FGF12: variants seen among roughly 807,000 people sequenced by gnomAD.
The protein encoded by FGF12 is fibroblast growth factor 12, also known as fibroblast growth factor 12B.
A neutral mutation model predicts 23.6 loss-of-function variants in FGF12; 14 were observed. The ratio of observed to expected loss-of-function variants is 0.59; its 90% CI spans 0.39 to 0.93. The LOEUF (loss-of-function observed/expected upper bound fraction) is 0.93. Among genes scored for constraint, FGF12 ranks in the 40% least tolerant of loss-of-function variants. The probability of loss-of-function intolerance (pLI) is 0.00; values close to 1 mark genes in which losing one functional copy is unlikely to be tolerated. For synonymous variants in FGF12, 62 were observed against 77.3 expected (o/e 0.80, Z 1.04); for missense variants, 175 against 217.8 (o/e 0.80, Z 1.24).
chr3:192,558,470 T>C (rs146196826), intron 2 of FGF12, among the ~76,000 whole-genome samples: 31 of 151,794 alleles, frequency 2.0e-4, no homozygotes, highest in African/African-American at 7.0e-4. Flanking sequence ...TGTTCACAGA[T>C]TGGAAAAATT....
At position 192,706,836 on chromosome 3, in the gene FGF12, A is replaced by G. The variant is rs758808567; in HGVS notation, c.13+20345T>C. 6.2e-4 allele frequency among the ~76,000 whole-genome samples: 95 copies of G among 152,244 alleles called. 2 individuals carry two copies. Among genetic ancestry groups the G allele is most frequent in the Non-Finnish European group, 2.9e-4 (20 of 68,040 alleles). ...ACAGAGATAGAATCAAAGAAAAAGA[A>G]TTATTCACTATAATCCCATTAAGCC... On this transcript the variant is annotated intron_variant, in intron 2 of 5. Transcript: ENST00000445105.
intron 4 of FGF12, among the ~76,000 whole-genome samples, chr3:192,303,224 T>C (rs575639995): frequency 2.6e-5 from 4 of 152,088 alleles, no homozygotes; most frequent in Non-Finnish European, 5.9e-5. Context: ...AATTTAAGTA[T>C]GGAAAAAAAA....
At chr3:192,511,248 C>T (rs1560134777) in intron 2 of FGF12, among the ~76,000 whole-genome samples, 1 of 151,922 alleles carries the variant, frequency 6.6e-6, no homozygotes, top group Admixed American at 6.6e-5. Context: ...CACACACACA[C>T]ACACACCTGC....
At chr3:192,500,495 A>T (rs759248847) in intron 2 of FGF12, among the ~76,000 whole-genome samples, 8 of 152,144 alleles carry the variant, frequency 5.3e-5, no homozygotes, top group Non-Finnish European at 1.2e-4. Context: ...AGATGCTACA[A>T]ATTTCGCTCT....
chr3:192,450,267 C>T (rs1245828664), intron 2 of FGF12, among the ~76,000 whole-genome samples: 19 of 152,156 alleles, frequency 1.2e-4, no homozygotes, highest in Non-Finnish European at 5.9e-5. Context: ...CTCCTTCCAA[C>T]TCATTTTCTT....
chr3:192,198,498 A>AAATGCTG (rs1195341632), intron 4 of FGF12, among the ~76,000 whole-genome samples: 1 of 152,150 alleles, frequency 6.6e-6, no homozygotes, highest in Non-Finnish European at 1.5e-5. Flanking sequence ...ACCTTTCATG[A>AAATGCTG]CCTCACTTAT....
intron 2 of FGF12, among the ~76,000 whole-genome samples, chr3:192,486,763 T>A (rs1723647429): frequency 6.6e-6 from 1 of 151,942 alleles, no homozygotes; most frequent in African/African-American, 2.4e-5. Context: ...TTTGAGAACA[T>A]CAGGCTACAG....
At chr3:192,308,611 C>T (rs1279658808) in intron 4 of FGF12, among the ~76,000 whole-genome samples, 1 of 151,066 alleles carries the variant, frequency 6.6e-6, no homozygotes, top group Admixed American at 6.6e-5. Flanking sequence ...ACCTGGGAGG[C>T]AGAGGTTGCA....
chr3:192,157,848 G>A (rs568286245), intron 5 of FGF12, among the ~76,000 whole-genome samples: 20 of 152,198 alleles, frequency 1.3e-4, no homozygotes, highest in Admixed American at 6.5e-4. Context: ...AATATCTAAC[G>A]TTAACTGAGC....
At chr3:192,641,497 C>T (rs1192047596) in intron 2 of FGF12, among the ~76,000 whole-genome samples, 14 of 151,028 alleles carry the variant, frequency 9.3e-5, no homozygotes, top group African/African-American at 2.2e-4. Flanking sequence ...CTCTGTCTCC[C>T]GGGTTCCAGC....
rs150623453 is a variant in FGF12, at chr3:192,597,826, G to A, written c.13+129355C>T. On this transcript the variant is annotated intron_variant, in intron 2 of 5. Coordinates refer to ENST00000445105, the MANE Select transcript of FGF12 (RefSeq NM_004113.6). ...TCCTCAGACTGAAATACAACTTACA[G>A]CAGAAAAAGAGGGGGCCTAAACTGG... Among the ~76,000 whole-genome samples, 10 of 152,318 alleles carry A rather than the reference G, an allele frequency of 6.6e-5. No individual in the cohort carries two copies. In the East Asian group the frequency reaches 1.3e-3, roughly 21 times the overall value.
chr3:192,308,844 A>C (rs1442063855), intron 4 of FGF12, among the ~76,000 whole-genome samples: 1 of 152,188 alleles, frequency 6.6e-6, no homozygotes, highest in East Asian at 1.9e-4. Flanking sequence ...AAATTAGGTG[A>C]ATGTTAAATA....
chr3:192,647,693 G>GTGTATATATACATATATA (rs1560180793), intron 2 of FGF12, among the ~76,000 whole-genome samples: 1 of 145,834 alleles, frequency 6.9e-6, no homozygotes, highest in Non-Finnish European at 1.5e-5. Context: ...ACATATATAT[G>GTGTATATATACATATATA]TATATATGTG....
chr3:192,397,948 A>T (rs543477129), intron 2 of FGF12, among the ~76,000 whole-genome samples: 30 of 44,018 alleles, frequency 6.8e-4, no homozygotes, highest in African/African-American at 4.0e-3. Flanking sequence ...AGTGCAATTT[A>T]AAAAAAAACT....
chr3:192,274,491 C>T (rs1042356005), intron 4 of FGF12, among the ~76,000 whole-genome samples: 3 of 152,074 alleles, frequency 2.0e-5, no homozygotes, highest in African/African-American at 7.2e-5. Context: ...AACGTGGTCA[C>T]ACTGATGGCT....
At chr3:192,278,390 G>A (rs1475563906) in intron 4 of FGF12, among the ~76,000 whole-genome samples, 1 of 152,170 alleles carries the variant, frequency 6.6e-6, no homozygotes, top group Admixed American at 6.5e-5. Flanking sequence ...TAGGGCCATG[G>A]AGAGTTTTTG....
intron 2 of FGF12, among the ~76,000 whole-genome samples, chr3:192,363,316 T>G (rs994381881): frequency 3.3e-5 from 5 of 152,056 alleles, no homozygotes; most frequent in Non-Finnish European, 1.5e-5. Flanking sequence ...TGTGAATGAT[T>G]GTTTGTTTTC....
At chr3:192,708,863 C>T (rs1718574042) in intron 2 of FGF12, among the ~76,000 whole-genome samples, 1 of 152,086 alleles carries the variant, frequency 6.6e-6, no homozygotes, top group South Asian at 2.1e-4. Context: ...ATGTATTGTG[C>T]TTTGAATGAG....
intron 2 of FGF12, among the ~76,000 whole-genome samples, chr3:192,655,088 ATCT>A (rs1390237350): frequency 6.6e-6 from 1 of 152,202 alleles, no homozygotes; most frequent in African/African-American, 2.4e-5. Context: ...ATTATGAAAC[ATCT>A]TCTTAAAGTC....
Sources: gnomAD v4.1 joint callset for allele counts (sites outside exome capture counted in the v4.1 genomes callset) on GRCh38, gnomAD v4.1.1 for gene constraint, MANE v1.5 for transcripts, NCBI Gene and HGNC (gene_info 2026-07-23, HGNC 2026-07-21) for gene names.